NFIB: variants seen among roughly 807,000 people sequenced by gnomAD.
The protein encoded by NFIB is nuclear factor 1 B-type.
A neutral mutation model predicts 61.5 loss-of-function variants in NFIB; 11 were observed. That is an observed-to-expected ratio of 0.18 (90% confidence interval 0.11 to 0.30). NFIB has a LOEUF of 0.30. Among genes scored for constraint, NFIB ranks in the 10% least tolerant of loss-of-function variants. NFIB has a pLI of 1.00. For synonymous variants in NFIB, 260 were observed against 216.5 expected (o/e 1.20, Z -1.76); for missense variants, 471 against 608.9 (o/e 0.77, Z 2.38).
intron 2 of NFIB, among the ~76,000 whole-genome samples, chr9:14,265,741 T>C (rs185742373): frequency 2.0e-3 from 305 of 152,312 alleles, no homozygotes; most frequent in African/African-American, 7.2e-3. Context: ...GTATTGAGCA[T>C]CACCTATGCA....
chr9:14,238,998 T>C (rs1467119205), intron 2 of NFIB, among the ~76,000 whole-genome samples: 2 of 152,208 alleles, frequency 1.3e-5, no homozygotes, highest in South Asian at 2.1e-4. Context: ...CATCACATGA[T>C]AATTATTCAA....
chr9:14,175,954 T>C (rs996313430), intron 3 of NFIB, among the ~76,000 whole-genome samples: 2 of 152,210 alleles, frequency 1.3e-5, no homozygotes, highest in African/African-American at 4.8e-5. Flanking sequence ...ATGTTTTCCT[T>C]GGATTTTACC....
intron 2 of NFIB, among the ~76,000 whole-genome samples, chr9:14,208,207 T>G (rs2049947294): frequency 6.6e-6 from 1 of 152,182 alleles, no homozygotes; most frequent in African/African-American, 2.4e-5. Context: ...CAGGTTCTAA[T>G]TCATCTATAC....
chr9:14,269,819 G>C (rs1054354199), intron 2 of NFIB, among the ~76,000 whole-genome samples: 24 of 151,998 alleles, frequency 1.6e-4, no homozygotes, highest in African/African-American at 5.8e-4. Context: ...CAAAATCGCA[G>C]TCACCCTCAA....
chr9:14,229,633 A>C (rs2052873062), intron 2 of NFIB, among the ~76,000 whole-genome samples: 1 of 152,190 alleles, frequency 6.6e-6, no homozygotes, highest in Admixed American at 6.5e-5. Context: ...CAGAGTTCTC[A>C]GCTTTACATA....
At chr9:14,111,069 G>A (rs1307311930) in intron 10 of NFIB, among the ~76,000 whole-genome samples, 1 of 152,016 alleles carries the variant, frequency 6.6e-6, no homozygotes, top group Non-Finnish European at 1.5e-5. Context: ...ATTGTAAGTG[G>A]TCTCGATTCA....
the NFIB span, among the ~76,000 whole-genome samples, chr9:14,439,969 A>T: frequency 1.3e-5 from 2 of 152,226 alleles, no homozygotes; most frequent in East Asian, 3.9e-4. Flanking sequence ...TTGGGGTGGG[A>T]ATTGGAAGGA....
chr9:14,110,360 T>C (rs578167240), intron 10 of NFIB, among the ~76,000 whole-genome samples: 2 of 152,176 alleles, frequency 1.3e-5, no homozygotes, highest in African/African-American at 4.8e-5. Context: ...CTGAAGAATG[T>C]ACCTGGTGAC....
chr9:14,468,285 G>A, the NFIB span, among the ~76,000 whole-genome samples: 1 of 152,214 alleles, frequency 6.6e-6, no homozygotes, highest in Non-Finnish European at 1.5e-5. Flanking sequence ...GGTAACCAAT[G>A]CAGACAAAAT....
At chr9:14,162,649 A>G (rs1230298581) in intron 3 of NFIB, among the ~76,000 whole-genome samples, 1 of 152,104 alleles carries the variant, frequency 6.6e-6, no homozygotes, top group East Asian at 1.9e-4. Context: ...ACAAAATATT[A>G]TTTCATAAAA....
Position 14,125,681 on chromosome 9 carries a change from G to A in NFIB, c.1011C>T (p.Ser337=), listed in dbSNP as rs1339771481. 14 of 1,614,160 alleles carry A rather than the reference G, an allele frequency of 8.7e-6. No individual in the cohort carries two copies. Among genetic ancestry groups the A allele is most frequent in the Non-Finnish European group, 1.2e-5 (14 of 1,180,008 alleles). The change falls in exon 7 of 11, where the codon AGC becomes AGT. Residue 337 remains serine (S), a synonymous_variant. Coordinates refer to ENST00000380953, the MANE Select transcript of NFIB (RefSeq NM_001190737.2). ...ASPQDSSPRL[S]TFPQHHHPGI... ...CGGGATGGTGGTGCTGGGGGAAAGT[G>A]CTCAGTCTTGGGGAAGAATCCTGTG...
At chr9:14,461,314 T>C in the NFIB span, among the ~76,000 whole-genome samples, 4 of 152,104 alleles carry the variant, frequency 2.6e-5, no homozygotes, top group African/African-American at 9.7e-5. Flanking sequence ...GAGGTGGCAA[T>C]GGGAATGGAG....
At chr9:14,153,146 T>C (rs1385483471) in intron 4 of NFIB, among the ~76,000 whole-genome samples, 1 of 152,124 alleles carries the variant, frequency 6.6e-6, no homozygotes, top group Admixed American at 6.6e-5. Flanking sequence ...ATTCCATAAA[T>C]ATGTACACAT....
At chr9:14,258,085 T>C (rs1285603147) in intron 2 of NFIB, among the ~76,000 whole-genome samples, 2 of 152,228 alleles carry the variant, frequency 1.3e-5, no homozygotes, top group Non-Finnish European at 2.9e-5. Context: ...TGAACATAGT[T>C]AGCATAAAAG....
At chr9:14,247,255 C>A (rs2132093701) in intron 2 of NFIB, among the ~76,000 whole-genome samples, 1 of 152,322 alleles carries the variant, frequency 6.6e-6, no homozygotes, top group African/African-American at 2.4e-5. Flanking sequence ...GAGACTGTCT[C>A]TGGTATGATG....
chr9:14,394,873 C>T lies in NFIB; in HGVS notation c.108+3651G>A, dbSNP rs540412527. Among the ~76,000 whole-genome samples, 10 of 152,084 alleles carry T rather than the reference C, an allele frequency of 6.6e-5. No homozygotes were observed. In the East Asian group the frequency reaches 1.2e-3, roughly 18 times the overall value. On this transcript the variant is annotated intron_variant, in intron 1 of 8. Coordinates refer to the NFIB transcript ENST00000380934. ...AGTCCTTGTTTAAAAGTTCCTGACA[C>T]GGGAGATGTGTGTAAACTCTAAAGG...
chr9:14,490,900 C>T, the NFIB span, among the ~76,000 whole-genome samples: 3 of 152,142 alleles, frequency 2.0e-5, no homozygotes, highest in Non-Finnish European at 4.4e-5. Context: ...TAGTTTTATA[C>T]CCTGGAGAAA....
intron 1 of NFIB, among the ~76,000 whole-genome samples, chr9:14,366,488 T>C (rs185306453): frequency 2.7e-5 from 4 of 149,500 alleles, no homozygotes; most frequent in Admixed American, 2.7e-4. Context: ...ATTTTATTCT[T>C]TTTTTTTTTC....
intron 2 of NFIB, among the ~76,000 whole-genome samples, chr9:14,187,970 G>A (rs1024579957): frequency 1.3e-5 from 2 of 152,080 alleles, no homozygotes; most frequent in African/African-American, 4.8e-5. Context: ...TGGGAAGCTA[G>A]GATAATCATA....
Sources: allele counts gnomAD v4.1 joint callset (sites outside exome capture counted in the v4.1 genomes callset), GRCh38; gene constraint gnomAD v4.1.1; transcripts MANE v1.5; gene names NCBI Gene and HGNC (gene_info 2026-07-23, HGNC 2026-07-21).